The following ALG10B variants were observed in gnomAD, a reference collection of about 807,000 sequenced individuals.
The protein encoded by ALG10B is dol-P-Glc:Glc(2)Man(9)GlcNAc(2)-PP-Dol alpha-1,2-glucosyltransferase B.
ALG10B carries 27 observed loss-of-function variants against 38.7 expected under a neutral mutation model. That is an observed-to-expected ratio of 0.70 (90% CI 0.51 to 0.96). ALG10B has a LOEUF of 0.96. ALG10B is among the 40% of genes least tolerant of loss of function. ALG10B has a pLI of 0.00. For synonymous variants in ALG10B, 177 were observed against 193.3 expected (o/e 0.92, Z 0.70); for missense variants, 522 against 542.7 (o/e 0.96, Z 0.38).
rs1245766933 is a variant in ALG10B at position 38,321,949 on chromosome 12, A to G, written c.*736A>G. On this transcript the variant is annotated 3_prime_UTR_variant, in exon 3 of 3. Transcript: ENST00000308742. ...AAGGGGGATTTCCTTTATGAAATAC[A>G]TATTGTATTAGCTTCCCAGGGCTGC... 1 of 152,224 alleles carries G rather than the reference A, an allele frequency of 6.6e-6. No individual in the cohort carries two copies. The allele number at this position is 152,224 out of a possible 1,614,324, so 9.4% of individuals were successfully genotyped here.
At position 38,323,571 on chromosome 12, in the gene ALG10B, C is replaced by T. The variant is rs951582930; in HGVS notation, c.*2358C>T. ...TTCCCCTCAATGTCAAATTTTGCTT[C>T]TCTGAGTTTTAAGTGATGAGTCTAC... On this transcript the variant is annotated 3_prime_UTR_variant, in exon 3 of 3. Transcript: ENST00000308742. 1 of 214,780 alleles carries T rather than the reference C, an allele frequency of 4.7e-6. No individual in the cohort carries two copies. The highest frequency in any genetic ancestry group is 9.2e-6 in the Non-Finnish European group (1 of 108,172). The allele number at this position is 214,780 out of a possible 1,614,324, so 13.3% of individuals were successfully genotyped here. A position where few individuals can be genotyped will look rare whatever the true frequency, so the allele number is the denominator to read the frequency against.
Position 38,320,625 on chromosome 12 carries a change from T to A in ALG10B, c.834T>A (p.Asp278Glu). Reference sequence around the variant, plus strand: ...TTAATGGTGGAATTGTTATTGGCGATCGGAGTAGTCATGAAGCCTGTCTTC... The same window carrying A: ...TTAATGGTGGAATTGTTATTGGCGAACGGAGTAGTCATGAAGCCTGTCTTC... The part of the protein sequence containing the change: ...VVVNGGIVIG[D>E]RSSHEACLHF... The change falls in exon 3 of 3, where the codon GAT becomes GAA. Residue 278 changes from aspartate to glutamate, a missense_variant. By Grantham distance (45) the Asp-to-Glu change is conservative (BLOSUM62 2). Coordinates refer to ENST00000308742, the MANE Select transcript of ALG10B (RefSeq NM_001013620.4). 1 of 1,614,092 alleles carries A rather than the reference T, an allele frequency of 6.2e-7. No homozygotes were observed. The highest frequency in any genetic ancestry group is 8.5e-7 in the Non-Finnish European group (1 of 1,179,946).
rs1253646403 is a variant in ALG10B, at chr12:38,325,355, T to C, written c.*4142T>C. 4 of 152,266 alleles carry C rather than the reference T, an allele frequency of 2.6e-5. No homozygotes were observed. In the East Asian group the frequency reaches 7.7e-4, roughly 29 times the overall value. The allele number at this position is 152,266 out of a possible 1,614,324, so 9.4% of individuals were successfully genotyped here. On this transcript the variant is annotated 3_prime_UTR_variant, in exon 3 of 3. Transcript: ENST00000308742. ...AATAAATACGTAGCTTAATGAAATG[T>C]ATTTCTAGTTTGAACTTAATTGCCA...
rs927265640 is a variant in ALG10B, at chr12:38,316,795, T to C, written c.-99T>C. The stretch of plus-strand genomic sequence containing the variant: ...GTATGTGGCCCCGTCTGGCTAGTCC[T>C]GTCTAGCGCGCCCATTTCGAGCCCA... On this transcript the variant is annotated 5_prime_UTR_variant, in exon 1 of 3. Transcript: ENST00000308742. The C allele has an allele frequency of 2.3e-4, 376 of 1,600,036 alleles. No individual in the cohort carries two copies. Among genetic ancestry groups the C allele is most frequent in the Non-Finnish European group, 3.0e-4 (346 of 1,169,404 alleles).
At chr12:38,317,302 G>T in intron 1 of ALG10B, 1 of 652,098 alleles carries the variant, frequency 1.5e-6, no homozygotes, top group Non-Finnish European at 2.5e-6. Flanking sequence ...AGAATACTTA[G>T]TGGGGAACTG....
chr12:38,317,725 T>C (rs1300700188), intron 1 of ALG10B: 2 of 178,030 alleles, frequency 1.1e-5, no homozygotes, highest in Non-Finnish European at 2.4e-5. Context: ...ATCTTAAATC[T>C]TGGTGCTGTG....
In ALG10B at chr12:38,323,987, T is replaced by G; in HGVS notation, c.*2774T>G. 2 of 694,054 alleles carry G rather than the reference T, an allele frequency of 2.9e-6. No homozygotes were observed. The highest frequency in any genetic ancestry group is 3.0e-5 in the South Asian group (2 of 65,584). The allele number at this position is 694,054 out of a possible 1,614,324, so 43.0% of individuals were successfully genotyped here. Reference sequence around the variant, plus strand: ...TGAGGAAAATATTCTACCCTGTAATTAAAGAAGACTGCTCTTTGGAGGGAT... The same window carrying G: ...TGAGGAAAATATTCTACCCTGTAATGAAAGAAGACTGCTCTTTGGAGGGAT... On this transcript the variant is annotated 3_prime_UTR_variant, in exon 3 of 3. Coordinates refer to ENST00000308742, the MANE Select transcript of ALG10B (RefSeq NM_001013620.4).
rs1945754468 is a variant in ALG10B, at chr12:38,327,415, T to C, written c.*6202T>C. ...GCCATCATTCATTGAACACCTATAA[T>C]GTTTTAGGCATTATACTAGCTGATT... On this transcript the variant is annotated 3_prime_UTR_variant, in exon 3 of 3. Coordinates refer to ENST00000308742, the MANE Select transcript of ALG10B (RefSeq NM_001013620.4). 1 of 152,200 alleles carries C rather than the reference T, an allele frequency of 6.6e-6. No individual in the cohort carries two copies. Among genetic ancestry groups the C allele is most frequent in the Non-Finnish European group, 1.5e-5 (1 of 68,038 alleles). 9.4% of individuals were successfully genotyped at this position (152,200 alleles called of 1,614,324 possible).
Position 38,322,188 on chromosome 12 carries a change from C to A in ALG10B, c.*975C>A, listed in dbSNP as rs1945709948. On this transcript the variant is annotated 3_prime_UTR_variant, in exon 3 of 3. Coordinates refer to ENST00000308742, the MANE Select transcript of ALG10B (RefSeq NM_001013620.4). ...TATCTTGTCTAAGTATTGCAGACAG[C>A]AATCTTCACTCCAGTCTCTGCCTCT... 1 of 152,214 alleles carries A rather than the reference C, an allele frequency of 6.6e-6. No homozygotes were observed. Among genetic ancestry groups the A allele is most frequent in the Non-Finnish European group, 1.5e-5 (1 of 68,056 alleles). 9.4% of individuals were successfully genotyped at this position (152,214 alleles called of 1,614,324 possible). A position where few individuals can be genotyped will look rare whatever the true frequency, so the allele number is the denominator to read the frequency against.
intron 2 of ALG10B, 44 bp downstream of exon 2, chr12:38,318,502 T>C (rs940135074): frequency 6.5e-7 from 1 of 1,527,448 alleles, no homozygotes; most frequent in Middle Eastern, 1.7e-4. Context: ...TGTAGTCAGG[T>C]CCACAATTAC....
At position 38,327,092 on chromosome 12, in the gene ALG10B, GTA is replaced by G. The variant is rs1945751035; in HGVS notation, c.*5881_*5882del. The G allele has an allele frequency of 6.8e-6, 1 of 146,792 alleles. No homozygotes were observed. The highest frequency in any genetic ancestry group is 2.5e-5 in the African/African-American group (1 of 40,074). The allele number at this position is 146,792 out of a possible 1,614,324, so 9.1% of individuals were successfully genotyped here. The stretch of plus-strand genomic sequence containing the variant: ...ATATACAAATTTGTATATATGTAAT[GTA>G]TGTGTGTGTGTATACATATAATTTC... On this transcript the variant is annotated 3_prime_UTR_variant, in exon 3 of 3. Transcript: ENST00000308742.
In ALG10B at chr12:38,329,431, C is replaced by T. The variant is rs1176338267; in HGVS notation, c.*8218C>T. 7.6e-5 allele frequency: 29 copies of T among 383,966 alleles called. No homozygotes were observed. Among genetic ancestry groups the T allele is most frequent in the Middle Eastern group, 6.5e-4 (1 of 1,530 alleles). 23.8% of individuals were successfully genotyped at this position (383,966 alleles called of 1,614,324 possible). ...ATATTTAGCTTCTCAAAAGAGACTC[C>T]TGTTTGGAAGCAAATTGTTGGTTTA... On this transcript the variant is annotated 3_prime_UTR_variant, in exon 3 of 3. Transcript: ENST00000308742.
rs1254754453 is a variant in ALG10B, at chr12:38,327,539, G to A, written c.*6326G>A. The A allele has an allele frequency of 2.0e-5, 3 of 152,130 alleles. No individual in the cohort carries two copies. Among genetic ancestry groups the A allele is most frequent in the Non-Finnish European group, 4.4e-5 (3 of 68,014 alleles). 9.4% of individuals were successfully genotyped at this position (152,130 alleles called of 1,614,324 possible). A position where few individuals can be genotyped will look rare whatever the true frequency, so the allele number is the denominator to read the frequency against. The stretch of plus-strand genomic sequence containing the variant: ...AGAAACTGAAGGTCGGTCAGGTCAG[G>A]TGATTTGCCCAAAGTCCACACTGTC... On this transcript the variant is annotated 3_prime_UTR_variant, in exon 3 of 3. Transcript: ENST00000308742.
chr12:38,319,770 G>T (rs571121606), intron 2 of ALG10B, among the ~76,000 whole-genome samples: 20 of 152,178 alleles, frequency 1.3e-4, no homozygotes, highest in Non-Finnish European at 4.4e-5. Context: ...ATGGCTAAGT[G>T]AATCCTTATT....
rs758754153 is a variant in ALG10B, at chr12:38,316,950, G to C, written c.57G>C (p.Val19=). The C allele has an allele frequency of 3.7e-5, 59 of 1,614,072 alleles. No individual in the cohort carries two copies. In the South Asian group the frequency reaches 4.9e-4, roughly 14 times the overall value. Residue 19 remains valine (V), a synonymous_variant, in exon 1 of 3, where the codon GTG becomes GTC. Coordinates refer to ENST00000308742, the MANE Select transcript of ALG10B (RefSeq NM_001013620.4). ...FSAALSCTFL[V]SCLLFSAFSR... ...CCGCCTTGAGCTGTACCTTTTTAGT[G>C]TCCTGCCTCCTCTTCTCCGCCTTCA...
Position 38,326,190 on chromosome 12 carries a change from A to AT in ALG10B, c.*4980dup, listed in dbSNP as rs1160070086. ...TTGTGATTTTATTTTATTTTATTTT[A>AT]TTTATTATTTTATTTTATTTTATTT... On this transcript the variant is annotated 3_prime_UTR_variant, in exon 3 of 3. Coordinates refer to ENST00000308742, the MANE Select transcript of ALG10B (RefSeq NM_001013620.4). 71 of 150,768 alleles carry AT rather than the reference A, an allele frequency of 4.7e-4. No individual in the cohort carries two copies. Among genetic ancestry groups the AT allele is most frequent in the Admixed American group, 7.3e-4 (11 of 15,160 alleles). 9.3% of individuals were successfully genotyped at this position (150,768 alleles called of 1,614,324 possible).
chr12:38,320,512 T>G lies in ALG10B; in HGVS notation c.721T>G (p.Ser241Ala). ...AATTCTTCAGTTTCTTTTGGCTTAT[T>G]CCATGTCCTTTAAAAACTTGAGTAT... Reference protein sequence around the residue: ...RKILQFLLAYSMSFKNLSMLF... With the variant: ...RKILQFLLAYAMSFKNLSMLF... The change falls in exon 3 of 3, where the codon TCC becomes GCC. Residue 241 changes from serine to alanine, a missense_variant. Transcript: ENST00000308742. The G allele has an allele frequency of 6.2e-7, 1 of 1,614,102 alleles. No homozygotes were observed. Among genetic ancestry groups the G allele is most frequent in the South Asian group, 1.1e-5 (1 of 91,078 alleles).
rs1414387280 is a variant in ALG10B at position 38,324,851 on chromosome 12, G to T, written c.*3638G>T. On this transcript the variant is annotated 3_prime_UTR_variant, in exon 3 of 3. Transcript: ENST00000308742. The stretch of plus-strand genomic sequence containing the variant: ...GAATTTTTAAACATTAGACTTAGCT[G>T]AATTGATTAAAATTAGGTGATTATG... The T allele has an allele frequency of 6.6e-6, 1 of 152,130 alleles. No individual in the cohort carries two copies. Among genetic ancestry groups the T allele is most frequent in the Non-Finnish European group, 1.5e-5 (1 of 67,996 alleles). The allele number at this position is 152,130 out of a possible 1,614,324, so 9.4% of individuals were successfully genotyped here. A position where few individuals can be genotyped will look rare whatever the true frequency, so the allele number is the denominator to read the frequency against.
Position 38,321,824 on chromosome 12 carries a change from GT to G in ALG10B, c.*613del. On this transcript the variant is annotated 3_prime_UTR_variant, in exon 3 of 3. Coordinates refer to ENST00000308742, the MANE Select transcript of ALG10B (RefSeq NM_001013620.4). The stretch of plus-strand genomic sequence containing the variant: ...TGTCTGTCTAGGCATCAAATTGTTG[GT>G]TATTGTTTACAATCCAGAAATGATG... 1 of 152,678 alleles carries G rather than the reference GT, an allele frequency of 6.5e-6. No individual in the cohort carries two copies. The highest frequency in any genetic ancestry group is 2.4e-5 in the African/African-American group (1 of 41,544). 9.5% of individuals were successfully genotyped at this position (152,678 alleles called of 1,614,324 possible).
Sources: allele counts gnomAD v4.1 joint callset (sites outside exome capture counted in the v4.1 genomes callset), GRCh38; gene constraint gnomAD v4.1.1; transcripts MANE v1.5; gene names NCBI Gene and HGNC (gene_info 2026-07-23, HGNC 2026-07-21).